RP1L1: variants seen among roughly 807,000 people sequenced by gnomAD.
RP1L1 encodes RP1 like 1.
RP1L1 carries 27 observed loss-of-function variants against 15.7 expected under a neutral mutation model. That is an observed-to-expected ratio of 1.72 (90% CI 1.27 to 2.38). The LOEUF is 2.38. Among genes scored for constraint, RP1L1 ranks in the 30% most tolerant of loss-of-function variants. The pLI, the probability that RP1L1 is intolerant of heterozygous loss-of-function variation, is 0.00. For synonymous variants in RP1L1, 1,813 were observed against 1,276.7 expected (o/e 1.42, Z -8.96); for missense variants, 4,798 against 3,075.9 (o/e 1.56, Z -13.24).
intron 1 of RP1L1, among the ~76,000 whole-genome samples, chr8:10,630,586 G>C (rs921768192): frequency 6.6e-6 from 1 of 152,204 alleles, no homozygotes; most frequent in Non-Finnish European, 1.5e-5. Context: ...AGGGGAGCTG[G>C]GGTCAGAGAA....
intron 1 of RP1L1, among the ~76,000 whole-genome samples, chr8:10,651,838 C>G (rs151208051): frequency 6.6e-6 from 1 of 151,862 alleles, no homozygotes; most frequent in East Asian, 1.9e-4. Flanking sequence ...TACACAGTCA[C>G]GCAGCACACA....
At chr8:10,621,249 T>G (rs908764234) in intron 2 of RP1L1, 1 of 155,152 alleles carries the variant, frequency 6.4e-6, no homozygotes, top group African/African-American at 2.4e-5. Context: ...TTTTTGATTG[T>G]AGGAGGGAGA....
At chr8:10,629,286 GGGCCCTGCCTGGGGGCTACCCAT>G (rs1425848763) in intron 1 of RP1L1, among the ~76,000 whole-genome samples, 3 of 3,116 alleles carry the variant, frequency 9.6e-4, no homozygotes, top group African/African-American at 5.1e-3. Context: ...GGCAGGGCAT[GGGCCCTGCCTGGGGGCTACCCAT>G]GGCCCTGAGA....
At chr8:10,650,120 G>A (rs1445948993) in intron 1 of RP1L1, among the ~76,000 whole-genome samples, 2 of 152,144 alleles carry the variant, frequency 1.3e-5, no homozygotes, top group Non-Finnish European at 1.5e-5. Flanking sequence ...TTGCTTCTGG[G>A]GATTGTCACG....
intron 1 of RP1L1, among the ~76,000 whole-genome samples, chr8:10,623,427 G>T (rs1237037484): frequency 2.0e-5 from 3 of 152,168 alleles, no homozygotes; most frequent in Admixed American, 6.5e-5. Context: ...CCAGCCCCGT[G>T]AATTGCTTGA....
Position 10,612,892 on chromosome 8 carries a change from C to G in RP1L1, c.1206G>C (p.Gly402=). 6.2e-7 allele frequency: 1 copy of G among 1,612,800 alleles called. No individual in the cohort carries two copies. The highest frequency in any genetic ancestry group is 1.1e-5 in the South Asian group (1 of 91,064). Residue 402 remains glycine, a synonymous_variant, in exon 4 of 4, where the codon GGG becomes GGC. Transcript: ENST00000382483. ...REVFGRGGQP[G]PKYEIWTNPL... is the part of the protein sequence containing the mutation. ...GATTCGTCCAGATTTCATACTTGGG[C>G]CCTGGCTGCCCGCCTCGGCCAAAGA...
At chr8:10,616,954 C>A (rs955238967) in intron 2 of RP1L1, among the ~76,000 whole-genome samples, 1 of 152,204 alleles carries the variant, frequency 6.6e-6, no homozygotes, top group Non-Finnish European at 1.5e-5. Context: ...AGCACGCCCT[C>A]CAGCTCCCAC....
In RP1L1 at chr8:10,609,056, C is replaced by G. The variant is rs189668916; in HGVS notation, c.5042G>C (p.Gly1681Ala). 4.3e-5 allele frequency: 70 copies of G among 1,613,840 alleles called. No individual in the cohort carries two copies. The African/African-American group carries it at 7.1e-4, about 16-fold the overall frequency. Residue 1681 changes from glycine (G) to alanine (A), a missense_variant, in exon 4 of 4, where the codon GGT becomes GCT. Coordinates refer to ENST00000382483, the MANE Select transcript of RP1L1 (RefSeq NM_178857.6). Reference protein sequence around the residue: ...SPKATMGATRGPIKEAFDLQQ... With the variant: ...SPKATMGATRAPIKEAFDLQQ... ...CAGGTCAAAGGCCTCTTTGATGGGACCTCTGGTTGCCCCCATTGTGGCCTT... is the reference window on the plus strand; with the variant it reads ...CAGGTCAAAGGCCTCTTTGATGGGAGCTCTGGTTGCCCCCATTGTGGCCTT...
At position 10,610,736 on chromosome 8, in the gene RP1L1, C is replaced by T. The variant is rs375005692; in HGVS notation, c.3362G>A (p.Cys1121Tyr). ...LSCSAGALIT[C>Y]LASLQLFEED... ...CTCAAATAACTGCAGACTGGCCAGA[C>T]AAGTAATGAGGGCCCCGGCTGAGCA... Residue 1121 changes from cysteine (C) to tyrosine (Y), a missense_variant, in exon 4 of 4, where the codon TGT (cysteine) becomes TAT (tyrosine). Coordinates refer to ENST00000382483, the MANE Select transcript of RP1L1 (RefSeq NM_178857.6). The T allele has an allele frequency of 6.2e-7, 1 of 1,613,530 alleles. No individual in the cohort carries two copies. Among genetic ancestry groups the T allele is most frequent in the Non-Finnish European group, 8.5e-7 (1 of 1,180,044 alleles).
chr8:10,640,510 G>A (rs1246213915), intron 1 of RP1L1, among the ~76,000 whole-genome samples: 12 of 152,008 alleles, frequency 7.9e-5, no homozygotes, highest in South Asian at 2.1e-4. Context: ...AAAATTAGCC[G>A]GGCATGGTGG....
chr8:10,654,105 A>C (rs1046340453), intron 1 of RP1L1, among the ~76,000 whole-genome samples: 23 of 152,178 alleles, frequency 1.5e-4, no homozygotes, highest in African/African-American at 5.5e-4. Flanking sequence ...GGTCTGGGCC[A>C]TGGATCTCTG....
chr8:10,613,350 G>A lies in RP1L1; in HGVS notation c.752-4C>T, dbSNP rs746403729. The stretch of plus-strand genomic sequence containing the variant: ...TTGGTCTTTGGCCCCCAGCTCCCTG[G>A]CACGCAGTGAAGAGGAAAAGAAAAG... On this transcript the variant is annotated splice_region_variant and splice_polypyrimidine_tract_variant and intron_variant, in intron 3 of 3. Transcript: ENST00000382483. 25 of 1,599,504 alleles carry A rather than the reference G, an allele frequency of 1.6e-5. No homozygotes were observed. In the East Asian group the frequency reaches 3.6e-4, roughly 23 times the overall value.
At chr8:10,643,121 G>A (rs1416275993) in intron 1 of RP1L1, among the ~76,000 whole-genome samples, 1 of 152,146 alleles carries the variant, frequency 6.6e-6, no homozygotes, top group African/African-American at 2.4e-5. Flanking sequence ...AGGATTGCTT[G>A]ATCCCAGGAG....
rs1797760697 is a variant in RP1L1, at chr8:10,608,622, G to T, written c.5476C>A (p.Pro1826Thr). 2 of 1,614,118 alleles carry T rather than the reference G, an allele frequency of 1.2e-6. No individual in the cohort carries two copies. Among genetic ancestry groups the T allele is most frequent in the Non-Finnish European group, 1.7e-6 (2 of 1,180,012 alleles). Residue 1826 changes from proline to threonine, a missense_variant, in exon 4 of 4, where the codon CCA (proline) becomes ACA (threonine). Physicochemically the swap from Pro to Thr is conservative, Grantham distance 38. Transcript: ENST00000382483. ...GEAAAGGDQDPGQSDGAEGIE... is the reference protein window; with the variant it reads ...GEAAAGGDQDTGQSDGAEGIE... ...CCTTCGGCCCCATCACTCTGTCCTGGATCTTGGTCACCTCCTGCCGCAGCT... is the reference window on the plus strand; with the variant it reads ...CCTTCGGCCCCATCACTCTGTCCTGTATCTTGGTCACCTCCTGCCGCAGCT...
intron 1 of RP1L1, among the ~76,000 whole-genome samples, chr8:10,639,403 C>T (rs924416397): frequency 1.3e-5 from 2 of 152,144 alleles, no homozygotes; most frequent in Admixed American, 1.3e-4. Flanking sequence ...TATTTAGAGA[C>T]AGGGTCTTGC....
intron 2 of RP1L1, among the ~76,000 whole-genome samples, chr8:10,620,425 G>C (rs1010451770): frequency 3.9e-5 from 6 of 152,090 alleles, no homozygotes; most frequent in Non-Finnish European, 8.8e-5. Flanking sequence ...GGCCAACATG[G>C]TGAAACTCCA....
Position 10,611,286 on chromosome 8 carries a change from C to G in RP1L1, c.2812G>C (p.Glu938Gln). Reference protein sequence around the residue: ...LRSGGGPQGQEEASGVSPSSL... With the variant: ...LRSGGGPQGQQEASGVSPSSL... ...CTGGGTGACACACCACTGGCCTCCTCCTGCCCCTGGGGGCCTCCCCCACTC... is the reference window on the plus strand; with the variant it reads ...CTGGGTGACACACCACTGGCCTCCTGCTGCCCCTGGGGGCCTCCCCCACTC... Residue 938 changes from glutamate to glutamine, a missense_variant, in exon 4 of 4, where the codon GAG becomes CAG. Glu to Gln is a conservative substitution (Grantham distance 29, BLOSUM62 2). Transcript: ENST00000382483. 6.2e-7 allele frequency: 1 copy of G among 1,613,044 alleles called. No individual in the cohort carries two copies.
intron 2 of RP1L1, chr8:10,621,614 C>T (rs1188336663): frequency 2.3e-6 from 1 of 438,898 alleles, no homozygotes; most frequent in Non-Finnish European, 4.7e-6. Context: ...GCGTGCGCCA[C>T]TGTGCCCAGT....
chr8:10,640,810 G>A (rs1798395862), intron 1 of RP1L1, among the ~76,000 whole-genome samples: 3 of 152,020 alleles, frequency 2.0e-5, no homozygotes, highest in Admixed American at 6.6e-5. Context: ...AGGGTCTGTC[G>A]CCCAAGCTGG....
Sources: gnomAD v4.1 joint callset for allele counts (sites outside exome capture counted in the v4.1 genomes callset) on GRCh38, gnomAD v4.1.1 for gene constraint, MANE v1.5 for transcripts, NCBI Gene and HGNC (gene_info 2026-07-23, HGNC 2026-07-21) for gene names.